The following FSTL5 variants were observed in gnomAD, a reference collection of about 807,000 sequenced individuals.
The protein encoded by FSTL5 is follistatin like 5, also known as follistatin-related protein 5.
A neutral mutation model predicts 89.1 loss-of-function variants in FSTL5; 62 were observed. That is an observed-to-expected ratio of 0.70 (90% CI 0.57 to 0.86). The LOEUF (loss-of-function observed/expected upper bound fraction) is 0.86, where lower values mean the gene tolerates loss of function less well. Ranked by LOEUF, FSTL5 falls within the 40% of genes least tolerant of loss-of-function variation. The pLI is 0.00. For synonymous variants in FSTL5, 383 were observed against 346.2 expected, an observed-to-expected ratio of 1.11 and a Z score of -1.18; for missense variants, 1,057 against 1,001.6, an observed-to-expected ratio of 1.06 and a Z score of -0.75.
chr4:161,732,655 G>A (rs181604996), intron 6 of FSTL5, among the ~76,000 whole-genome samples: 9 of 151,872 alleles, frequency 5.9e-5, no homozygotes, highest in South Asian at 4.1e-4. Context: ...AATTTCCTTC[G>A]ACTTACTTTT....
chr4:162,072,606 CAAAT>C (rs1729675151), intron 2 of FSTL5, among the ~76,000 whole-genome samples: 1 of 151,614 alleles, frequency 6.6e-6, no homozygotes, highest in Non-Finnish European at 1.5e-5. Context: ...ACATTATTAA[CAAAT>C]AGTTTCATTC....
intron 3 of FSTL5, among the ~76,000 whole-genome samples, chr4:161,991,060 C>T (rs1388946049): frequency 2.0e-5 from 3 of 152,096 alleles, no homozygotes; most frequent in Admixed American, 6.6e-5. Context: ...GCACTAATTT[C>T]CTAACACTTA....
chr4:161,511,940 C>G (rs1180136608), intron 10 of FSTL5, among the ~76,000 whole-genome samples: 1 of 151,640 alleles, frequency 6.6e-6, no homozygotes, highest in Non-Finnish European at 1.5e-5. Context: ...GTGTAGGGGG[C>G]TAGAGAGGTT....
rs551853884 is a variant in FSTL5, at chr4:161,977,167, T to A, written c.160+56458A>T. 2.6e-5 allele frequency among the ~76,000 whole-genome samples: 4 copies of A among 152,304 alleles called. No homozygotes were observed. The South Asian group carries it at 8.3e-4, about 32-fold the overall frequency. On this transcript the variant is annotated intron_variant, in intron 3 of 15. Transcript: ENST00000306100. ...GACATGATAGATCAAAATGTTATAA[T>A]TGCTGCAAGTTGGTAACTGCAAATG...
intron 7 of FSTL5, among the ~76,000 whole-genome samples, chr4:161,609,616 C>A (rs757364286): frequency 2.0e-5 from 3 of 151,784 alleles, no homozygotes; most frequent in Non-Finnish European, 4.4e-5. Flanking sequence ...TATGAATGGT[C>A]TAAATTTTTT....
intron 4 of FSTL5, among the ~76,000 whole-genome samples, chr4:161,908,225 C>T (rs1249950127): frequency 6.6e-6 from 1 of 151,934 alleles, no homozygotes; most frequent in African/African-American, 2.4e-5. Context: ...TGTTCTATTT[C>T]CATCTTTACA....
chr4:161,706,173 G>A (rs1449996987), intron 6 of FSTL5, among the ~76,000 whole-genome samples: 3 of 150,870 alleles, frequency 2.0e-5, no homozygotes, highest in East Asian at 2.0e-4. Context: ...CGCCTTTTGA[G>A]ACTTAACTGC....
intron 15 of FSTL5, among the ~76,000 whole-genome samples, chr4:161,415,096 T>C (rs544267816): frequency 1.3e-5 from 2 of 152,288 alleles, no homozygotes; most frequent in Admixed American, 6.5e-5. Context: ...AGAAAATACA[T>C]TAAAATTACA....
intron 6 of FSTL5, among the ~76,000 whole-genome samples, chr4:161,678,348 AT>A (rs1579014611): frequency 6.6e-6 from 1 of 151,878 alleles, no homozygotes; most frequent in Middle Eastern, 3.4e-3. Flanking sequence ...TAGTGTCAAA[AT>A]TTTTTTGACA....
intron 12 of FSTL5, among the ~76,000 whole-genome samples, chr4:161,494,336 G>C (rs1362520282): frequency 2.6e-5 from 4 of 152,118 alleles, no homozygotes; most frequent in Non-Finnish European, 4.4e-5. Context: ...GGCTTCATGG[G>C]GAAATGAATT....
At chr4:161,598,708 A>AGC (rs1313669000) in intron 7 of FSTL5, among the ~76,000 whole-genome samples, 1 of 152,164 alleles carries the variant, frequency 6.6e-6, no homozygotes, top group Non-Finnish European at 1.5e-5. Context: ...TGACAGACAT[A>AGC]GCATGGCAAA....
intron 15 of FSTL5, among the ~76,000 whole-genome samples, chr4:161,437,405 A>G (rs1028507459): frequency 1.3e-5 from 2 of 151,790 alleles, no homozygotes; most frequent in African/African-American, 4.8e-5. Flanking sequence ...TCTCTACTGA[A>G]AAATACAAAA....
chr4:161,924,310 T>C (rs1359944717), intron 3 of FSTL5, among the ~76,000 whole-genome samples: 1 of 151,268 alleles, frequency 6.6e-6, no homozygotes, highest in East Asian at 1.9e-4. Flanking sequence ...TCCCTATTAT[T>C]CTAAGATGGC....
intron 4 of FSTL5, among the ~76,000 whole-genome samples, chr4:161,901,664 T>C (rs1250273618): frequency 6.6e-6 from 1 of 152,214 alleles, no homozygotes. Flanking sequence ...CCGGGCATGG[T>C]GGCTCACACC....
chr4:162,085,386 A>C (rs898470535), intron 2 of FSTL5, among the ~76,000 whole-genome samples: 3 of 152,058 alleles, frequency 2.0e-5, no homozygotes, highest in Non-Finnish European at 4.4e-5. Flanking sequence ...AGTACTTAAC[A>C]ATCAGGAGAT....
At chr4:161,486,276 A>T (rs768005820) in intron 12 of FSTL5, among the ~76,000 whole-genome samples, 2 of 152,188 alleles carry the variant, frequency 1.3e-5, no homozygotes, top group Non-Finnish European at 2.9e-5. Flanking sequence ...CAAATGTGAT[A>T]AATAAGGTGG....
intron 4 of FSTL5, among the ~76,000 whole-genome samples, chr4:161,916,798 ATATG>A (rs1476947879): frequency 6.6e-6 from 1 of 152,182 alleles, no homozygotes; most frequent in Admixed American, 6.5e-5. Context: ...AGGTATTTCA[ATATG>A]TAACACAAGT....
At chr4:161,732,088 G>A (rs1352275514) in intron 6 of FSTL5, among the ~76,000 whole-genome samples, 1 of 150,738 alleles carries the variant, frequency 6.6e-6, no homozygotes, top group African/African-American at 2.4e-5. Context: ...CGAACTTTGA[G>A]AAACTACCTG....
chr4:161,837,495 G>T (rs1731084272), intron 4 of FSTL5, among the ~76,000 whole-genome samples: 1 of 152,072 alleles, frequency 6.6e-6, no homozygotes, highest in South Asian at 2.1e-4. Context: ...GAATTTTTCT[G>T]AAGAGAGGGC....
Sources: gnomAD v4.1 joint callset for allele counts (sites outside exome capture counted in the v4.1 genomes callset) on GRCh38, gnomAD v4.1.1 for gene constraint, MANE v1.5 for transcripts, NCBI Gene and HGNC (gene_info 2026-07-23, HGNC 2026-07-21) for gene names.